The following POFUT3 variants were observed in gnomAD, a reference collection of about 807,000 sequenced individuals.
The protein encoded by POFUT3 is protein O-fucosyltransferase 3.
chr8:33,442,484 C>A, the POFUT3 span, among the ~76,000 whole-genome samples: 105 of 151,832 alleles, frequency 6.9e-4, no homozygotes, highest in Middle Eastern at 3.4e-3. Flanking sequence ...TGGGGTTTCA[C>A]CATGTTAGCC....
At chr8:33,339,618 C>T in the POFUT3 span, among the ~76,000 whole-genome samples, 1 of 152,108 alleles carries the variant, frequency 6.6e-6, no homozygotes, top group African/African-American at 2.4e-5. Context: ...CACATCAAGA[C>T]ATATCACATC....
chr8:33,449,352 C>T, the POFUT3 span, among the ~76,000 whole-genome samples: 4 of 125,592 alleles, frequency 3.2e-5, no homozygotes, highest in African/African-American at 6.2e-5. Flanking sequence ...TGCAATGACA[C>T]GATCTTGGCT....
the POFUT3 span, among the ~76,000 whole-genome samples, chr8:33,354,178 C>G: frequency 6.6e-6 from 1 of 152,058 alleles, no homozygotes; most frequent in Non-Finnish European, 1.5e-5. Context: ...TTTGGAGAAC[C>G]ACATCATATT....
At chr8:33,440,411 G>A in the POFUT3 span, among the ~76,000 whole-genome samples, 1 of 152,080 alleles carries the variant, frequency 6.6e-6, no homozygotes, top group African/African-American at 2.4e-5. Context: ...ATCCCTGTCT[G>A]GTGGCATGCT....
the POFUT3 span, among the ~76,000 whole-genome samples, chr8:33,380,187 T>TACTATATATATAC: frequency 9.7e-5 from 5 of 51,316 alleles, 2 homozygotes; most frequent in Admixed American, 5.2e-4. Context: ...TATATATATA[T>TACTATATATATAC]ACTATATATA....
chr8:33,320,859 G>A, the POFUT3 span, among the ~76,000 whole-genome samples: 1 of 152,018 alleles, frequency 6.6e-6, no homozygotes, highest in African/African-American at 2.4e-5. Context: ...TCTAATCCCA[G>A]AAATTATCAC....
chr8:33,450,447 T>C, the POFUT3 span, among the ~76,000 whole-genome samples: 1 of 152,222 alleles, frequency 6.6e-6, no homozygotes, highest in Non-Finnish European at 1.5e-5. Context: ...AGGTATTCAG[T>C]AGATTATTCT....
chr8:33,355,403 G>A, the POFUT3 span, among the ~76,000 whole-genome samples: 1 of 152,094 alleles, frequency 6.6e-6, no homozygotes, highest in Non-Finnish European at 1.5e-5. Context: ...AAAAAAAATT[G>A]CAGCAGCCTC....
At chr8:33,355,392 CA>C in the POFUT3 span, among the ~76,000 whole-genome samples, 3 of 151,592 alleles carry the variant, frequency 2.0e-5, no homozygotes, top group Non-Finnish European at 4.4e-5. Context: ...AGGAGTATTG[CA>C]AAAAAAATTG....
the POFUT3 span, chr8:33,453,422 G>A: frequency 1.4e-5 from 23 of 1,613,570 alleles, no homozygotes; most frequent in South Asian, 1.2e-4. Context: ...ATTAAGATGC[G>A]TAGGTGCTTC....
chr8:33,323,732 C>T, the POFUT3 span, among the ~76,000 whole-genome samples: 1 of 152,142 alleles, frequency 6.6e-6, no homozygotes, highest in African/African-American at 2.4e-5. Context: ...TAGATCTTTA[C>T]CTCTCTTGTC....
the POFUT3 span, chr8:33,389,452 A>T: frequency 1.2e-6 from 2 of 1,614,254 alleles, no homozygotes; most frequent in Non-Finnish European, 1.7e-6. Context: ...CACCATAGGA[A>T]TCGACCTCGA....
At chr8:33,414,051 G>A in the POFUT3 span, among the ~76,000 whole-genome samples, 6 of 152,184 alleles carry the variant, frequency 3.9e-5, no homozygotes, top group Admixed American at 3.3e-4. Context: ...CACCCTCAGT[G>A]CAGGGAAGGG....
At chr8:33,318,812 A>AT in the POFUT3 span, among the ~76,000 whole-genome samples, 2 of 45,216 alleles carry the variant, frequency 4.4e-5, no homozygotes, top group Non-Finnish European at 3.1e-5. Context: ...TTTTATATAT[A>AT]TTATATATAT....
At chr8:33,434,391 C>A in the POFUT3 span, among the ~76,000 whole-genome samples, 1 of 152,052 alleles carries the variant, frequency 6.6e-6, no homozygotes, top group East Asian at 1.9e-4. Context: ...CATCCCCCAC[C>A]AAGGCACCCC....
At chr8:33,309,941 C>G in the POFUT3 span, among the ~76,000 whole-genome samples, 1 of 152,154 alleles carries the variant, frequency 6.6e-6, no homozygotes, top group East Asian at 1.9e-4. Context: ...AGACCCAATT[C>G]TCCTGCTGAA....
chr8:33,469,838 C>G, the POFUT3 span, among the ~76,000 whole-genome samples: 1 of 122,858 alleles, frequency 8.1e-6, no homozygotes, highest in Admixed American at 9.9e-5. Flanking sequence ...TGGAGTCTCA[C>G]TCTGTCACCA....
chr8:33,348,885 C>T, the POFUT3 span, among the ~76,000 whole-genome samples: 2 of 152,096 alleles, frequency 1.3e-5, no homozygotes, highest in African/African-American at 4.8e-5. Flanking sequence ...AGTATTTATC[C>T]TAGAAGTGAT....
the POFUT3 span, among the ~76,000 whole-genome samples, chr8:33,409,349 C>T: frequency 6.6e-6 from 1 of 152,236 alleles, no homozygotes; most frequent in South Asian, 2.1e-4. Flanking sequence ...GTGATCCACC[C>T]GCCTTGGCCT....
Sources: gnomAD v4.1 joint callset for allele counts (sites outside exome capture counted in the v4.1 genomes callset) on GRCh38, gnomAD v4.1.1 for gene constraint, MANE v1.5 for transcripts, NCBI Gene and HGNC (gene_info 2026-07-23, HGNC 2026-07-21) for gene names.